LPIN2: variants seen among roughly 807,000 people sequenced by gnomAD.
The protein encoded by LPIN2 is lipin 2, also known as phosphatidate phosphatase LPIN2.
Under a neutral mutation model 111.4 loss-of-function variants are expected in LPIN2, and 55 were observed. That is an observed-to-expected ratio of 0.49 (90% CI 0.40 to 0.62). The LOEUF (loss-of-function observed/expected upper bound fraction) is 0.62. LPIN2 is among the 20% of genes least tolerant of loss of function. The probability of loss-of-function intolerance (pLI) is 0.00; values close to 1 mark genes in which losing one functional copy is unlikely to be tolerated. For missense variants in LPIN2, 992 were observed against 1,112.1 expected (o/e 0.89, Z 1.54); for synonymous variants, 425 against 414.0 (o/e 1.03, Z -0.32).
Position 2,927,025 on chromosome 18 carries a change from G to T in LPIN2, c.1711-220C>A, listed in dbSNP as rs602233. 0.53 allele frequency among the ~76,000 whole-genome samples: 79,873 copies of T among 152,018 alleles called. 21,956 individuals carry two copies. The highest frequency in any genetic ancestry group is 0.61 in the Non-Finnish European group (41,656 of 67,990). On this transcript the variant is annotated intron_variant, in intron 12 of 19. Transcript: ENST00000677752. ...ATCACTGTCCCTACAGACCCAGAAG[G>T]AAAACATTTTAAGAGCACCATTTCA...
intron 3 of LPIN2, 28 bp from the exon 4 acceptor site, chr18:2,951,384 A>T: frequency 1.3e-6 from 2 of 1,584,800 alleles, no homozygotes; most frequent in Non-Finnish European, 8.7e-7. Flanking sequence ...AAGAAAAGTT[A>T]TCCATGACAA....
At chr18:2,992,130 C>A (rs1402644510) in intron 1 of LPIN2, among the ~76,000 whole-genome samples, 1 of 152,126 alleles carries the variant, frequency 6.6e-6, no homozygotes, top group African/African-American at 2.4e-5. Context: ...CCAGTGTTCA[C>A]GGCAGCATTA....
chr18:2,934,819 A>T (rs925057531), intron 7 of LPIN2, among the ~76,000 whole-genome samples: 1 of 152,216 alleles, frequency 6.6e-6, no homozygotes, highest in African/African-American at 2.4e-5. Flanking sequence ...ATTACTCTAA[A>T]ACCATGAAGG....
In LPIN2 at chr18:2,960,769, C is replaced by T. The variant is rs772912954; in HGVS notation, c.72G>A (p.Gln24=). The change falls in exon 2 of 20, where the codon CAG becomes CAA. Residue 24 remains glutamine, a synonymous_variant. Coordinates refer to ENST00000677752, the MANE Select transcript of LPIN2 (RefSeq NM_001375808.2). The stretch of plus-strand genomic sequence containing the variant: ...CATCAATGCACCCAGAGAGGGTGGC[C>T]TGGTTAATGCCCTTGTAGAGTTCCT... ...TVKELYKGIN[Q]ATLSGCIDVI... 5.6e-6 allele frequency: 9 copies of T among 1,614,002 alleles called. No homozygotes were observed. In the Admixed American group the frequency reaches 1.5e-4, roughly 27 times the overall value.
chr18:2,981,305 A>C (rs936955859), intron 1 of LPIN2, among the ~76,000 whole-genome samples: 1 of 152,222 alleles, frequency 6.6e-6, no homozygotes, highest in African/African-American at 2.4e-5. Flanking sequence ...CAGGCTACTA[A>C]GCAGATATCA....
intron 2 of LPIN2, 30 bp downstream of exon 2, chr18:2,960,619 A>G (rs767171784): frequency 1.6e-5 from 25 of 1,607,252 alleles, no homozygotes; most frequent in Non-Finnish European, 1.9e-5. Flanking sequence ...GAATCTCAGG[A>G]TGACTTTTCC....
chr18:2,924,345 C>G (rs2077099781), intron 15 of LPIN2, 53 bp downstream of exon 15: 4 of 1,611,136 alleles, frequency 2.5e-6, no homozygotes, highest in East Asian at 2.2e-5. Context: ...ACTGCCTGCC[C>G]CTCCCTGAGC....
At chr18:2,985,357 T>C (rs1032059242) in intron 1 of LPIN2, 2 of 152,216 alleles carry the variant, frequency 1.3e-5, no homozygotes, top group Non-Finnish European at 2.9e-5. Context: ...CGCTACTGTA[T>C]TGTCAAACTT....
chr18:2,920,778 G>A lies in LPIN2; in HGVS notation c.2546C>T (p.Ser849Leu), dbSNP rs1467998402. ...IQERTKGNKS[S>L]YHRLSELVEH... Reference sequence around the variant, plus strand: ...GGCTGAGAGCTGAGAATGTACTTACGATGACTTGTTTCCTTTGGTTCTTTC... The same window carrying A: ...GGCTGAGAGCTGAGAATGTACTTACAATGACTTGTTTCCTTTGGTTCTTTC... The change falls in exon 19 of 20, where the codon TCG becomes TTG. Residue 849 changes from serine to leucine, a missense_variant and splice_region_variant. This residue lies in a region of LPIN2 where 185 missense variants were observed against 186.5 expected (regional missense o/e 0.99). Transcript: ENST00000677752. The A allele has an allele frequency of 3.1e-6, 5 of 1,612,118 alleles. No homozygotes were observed. The highest frequency in any genetic ancestry group is 1.3e-5 in the African/African-American group (1 of 74,880).
chr18:2,956,381 C>A (rs1408400069), intron 2 of LPIN2, among the ~76,000 whole-genome samples: 3 of 147,670 alleles, frequency 2.0e-5, no homozygotes, highest in Non-Finnish European at 4.5e-5. Flanking sequence ...CTGGCTCTGC[C>A]AGCTTGGGCT....
intron 1 of LPIN2, among the ~76,000 whole-genome samples, chr18:2,994,846 T>C (rs1265994032): frequency 6.6e-6 from 1 of 152,172 alleles, no homozygotes; most frequent in Non-Finnish European, 1.5e-5. Flanking sequence ...TGAGAACCAC[T>C]GGTTTAAACA....
At chr18:2,961,343 G>A (rs553295525) in intron 1 of LPIN2, among the ~76,000 whole-genome samples, 8 of 152,262 alleles carry the variant, frequency 5.3e-5, no homozygotes, top group Non-Finnish European at 1.2e-4. Flanking sequence ...CATTTTGTAA[G>A]GAACTATTAT....
chr18:2,985,056 A>G (rs571166284), intron 1 of LPIN2: 79 of 152,442 alleles, frequency 5.2e-4, no homozygotes, highest in Non-Finnish European at 1.0e-3. Flanking sequence ...TAGTGTTTGT[A>G]TTGTTTCCTT....
chr18:2,919,974 T>C lies in LPIN2; in HGVS notation c.*319A>G. 2.3e-6 allele frequency: 1 copy of C among 431,224 alleles called. No homozygotes were observed. The highest frequency in any genetic ancestry group is 4.8e-5 in the East Asian group (1 of 20,712). 26.7% of individuals were successfully genotyped at this position (431,224 alleles called of 1,614,324 possible). On this transcript the variant is annotated 3_prime_UTR_variant, in exon 20 of 20. Transcript: ENST00000677752. Reference sequence around the variant, plus strand: ...GTGTTTTGGTCCACTCTTTTTTAGCTGCTTTTTTCTTCCTTTAAAATGATG... The same window carrying C: ...GTGTTTTGGTCCACTCTTTTTTAGCCGCTTTTTTCTTCCTTTAAAATGATG...
chr18:2,919,966 T>C lies in LPIN2; in HGVS notation c.*327A>G. The C allele has an allele frequency of 2.4e-6, 1 of 411,868 alleles. No homozygotes were observed. Among genetic ancestry groups the C allele is most frequent in the Non-Finnish European group, 4.6e-6 (1 of 217,622 alleles). 25.5% of individuals were successfully genotyped at this position (411,868 alleles called of 1,614,324 possible). On this transcript the variant is annotated 3_prime_UTR_variant, in exon 20 of 20. Coordinates refer to ENST00000677752, the MANE Select transcript of LPIN2 (RefSeq NM_001375808.2). The stretch of plus-strand genomic sequence containing the variant: ...TGTGTGCAGTGTTTTGGTCCACTCT[T>C]TTTTAGCTGCTTTTTTCTTCCTTTA...
At chr18:3,000,389 C>T (rs189761172) in intron 1 of LPIN2, among the ~76,000 whole-genome samples, 2 of 152,188 alleles carry the variant, frequency 1.3e-5, no homozygotes, top group Admixed American at 1.3e-4. Context: ...ATTGAAAGTT[C>T]CCACCAGGTG....
At chr18:2,947,259 T>C (rs1232313528) in intron 4 of LPIN2, among the ~76,000 whole-genome samples, 2 of 152,196 alleles carry the variant, frequency 1.3e-5, no homozygotes, top group Non-Finnish European at 2.9e-5. Context: ...ATGTTTCATA[T>C]ATTTGCACTC....
chr18:2,954,681 G>T, intron 2 of LPIN2, 82 bp from the exon 3 acceptor site: 2 of 969,578 alleles, frequency 2.1e-6, no homozygotes, highest in Non-Finnish European at 1.7e-6. Flanking sequence ...GAGTTCTCAA[G>T]TCAAACTTAG....
chr18:2,965,159 A>C (rs3016725), intron 1 of LPIN2, among the ~76,000 whole-genome samples: 1 of 152,190 alleles, frequency 6.6e-6, no homozygotes, highest in African/African-American at 2.4e-5. Flanking sequence ...AAAAAAAAGC[A>C]GTAGAAAATA....
Sources: allele counts gnomAD v4.1 joint callset (sites outside exome capture counted in the v4.1 genomes callset), GRCh38; gene constraint gnomAD v4.1.1; regional missense constraint gnomAD v4.1.1; transcripts MANE v1.5; gene names NCBI Gene and HGNC (gene_info 2026-07-23, HGNC 2026-07-21).